The following CTDP1 variants were observed in gnomAD, a reference collection of about 807,000 sequenced individuals.
CTDP1 encodes the protein CTD phosphatase 1.
A neutral mutation model predicts 91.8 loss-of-function variants in CTDP1; 47 were observed. That is an observed-to-expected ratio of 0.51 (90% CI 0.41 to 0.65). The LOEUF (loss-of-function observed/expected upper bound fraction) is 0.65, where lower values mean the gene tolerates loss of function less well. CTDP1 is among the 30% of genes least tolerant of loss of function. CTDP1 has a pLI of 0.00. For synonymous variants in CTDP1, 656 were observed against 598.5 expected (o/e 1.10, Z -1.40); for missense variants, 1,272 against 1,373.7 (o/e 0.93, Z 1.17).
intron 10 of CTDP1, 38 bp from the exon 11 acceptor site, chr18:79,728,869 T>G (rs1259974551): frequency 3.1e-6 from 5 of 1,612,042 alleles, no homozygotes; most frequent in Non-Finnish European, 4.2e-6. Flanking sequence ...CCATTCGAAC[T>G]GACCTTCCTC....
chr18:79,730,808 G>A (rs2086550976), intron 11 of CTDP1, among the ~76,000 whole-genome samples: 1 of 152,236 alleles, frequency 6.6e-6, no homozygotes, highest in Non-Finnish European at 1.5e-5. Context: ...TGTGAGGAAG[G>A]GATTCTCCCA....
downstream of CTDP1, chr18:79,756,516 T>C (rs2087095195): frequency 6.6e-6 from 1 of 152,226 alleles, no homozygotes; most frequent in Non-Finnish European, 1.5e-5. Flanking sequence ...GTGATTAACG[T>C]TTATGAAATG....
At chr18:79,701,764 A>G (rs2085864876) in intron 4 of CTDP1, among the ~76,000 whole-genome samples, 1 of 152,094 alleles carries the variant, frequency 6.6e-6, no homozygotes, top group African/African-American at 2.4e-5. Context: ...GTCGATTCCA[A>G]CCCTCAGTTC....
At chr18:79,701,939 G>A (rs2085868121) in intron 4 of CTDP1, among the ~76,000 whole-genome samples, 1 of 152,234 alleles carries the variant, frequency 6.6e-6, no homozygotes, top group African/African-American at 2.4e-5. Flanking sequence ...ATGAGGAGTT[G>A]CTTCTTACGG....
At chr18:79,705,679 G>A (rs1031248047) in intron 5 of CTDP1, among the ~76,000 whole-genome samples, 2 of 152,256 alleles carry the variant, frequency 1.3e-5, no homozygotes, top group African/African-American at 4.8e-5. Flanking sequence ...GCGCCGAGTG[G>A]CAGTGTAGGC....
rs1357076999 is a variant in CTDP1, at chr18:79,717,970, G to C, written c.2371G>C (p.Ala791Pro). 2 of 1,613,338 alleles carry C rather than the reference G, an allele frequency of 1.2e-6. No homozygotes were observed. Among genetic ancestry groups the C allele is most frequent in the Non-Finnish European group, 1.7e-6 (2 of 1,179,974 alleles). The stretch of plus-strand genomic sequence containing the variant: ...CAGGACGGGCGCCCGGGGGCCCCCA[G>C]CACCCTCCAGCTCCCTACCCATCCG... ...LIRTGARGPP[A>P]PSSSLPIRQE... is the part of the protein sequence containing the mutation. Residue 791 changes from alanine (A) to proline (P), a missense_variant, in exon 10 of 13, where the codon GCA becomes CCA. Around this residue, in one of 3 missense-constraint regions of CTDP1, gnomAD observed 881 missense variants for 911.6 expected, o/e 0.97. Transcript: ENST00000613122.
intron 12 of CTDP1, among the ~76,000 whole-genome samples, chr18:79,739,088 G>A (rs974252758): frequency 2.0e-5 from 3 of 152,216 alleles, no homozygotes; most frequent in East Asian, 1.9e-4. Flanking sequence ...CCTCTAGCCC[G>A]GGGCTGAGCT....
intron 12 of CTDP1, among the ~76,000 whole-genome samples, chr18:79,741,486 G>A (rs1461017829): frequency 2.6e-5 from 4 of 152,224 alleles, no homozygotes; most frequent in Non-Finnish European, 2.9e-5. Context: ...TGAGCTGGTC[G>A]TTCCCATGAT....
At chr18:79,749,240 T>C (rs2086943229) in intron 12 of CTDP1, among the ~76,000 whole-genome samples, 1 of 152,144 alleles carries the variant, frequency 6.6e-6, no homozygotes, top group African/African-American at 2.4e-5. Context: ...TTCTTGCACC[T>C]CTCGCCCTCC....
intron 1 of CTDP1, among the ~76,000 whole-genome samples, chr18:79,692,557 G>A (rs1241605896): frequency 1.3e-5 from 2 of 152,218 alleles, no homozygotes; most frequent in Non-Finnish European, 2.9e-5. Context: ...AACATGTTTA[G>A]GAGAGATTGG....
At chr18:79,704,647 C>T in intron 4 of CTDP1, 120 bp from the exon 5 acceptor site, 1 of 1,380,660 alleles carries the variant, frequency 7.2e-7, no homozygotes, top group Non-Finnish European at 1.0e-6. Flanking sequence ...CGCGTGTCTT[C>T]AGAACGCTTG....
At chr18:79,728,693 G>A (rs1466731371) in intron 10 of CTDP1, among the ~76,000 whole-genome samples, 1 of 152,244 alleles carries the variant, frequency 6.6e-6, no homozygotes, top group Non-Finnish European at 1.5e-5. Flanking sequence ...AGGATAGTCA[G>A]AAACGTGTTT....
intron 5 of CTDP1, among the ~76,000 whole-genome samples, chr18:79,707,174 G>A (rs1369100844): frequency 6.6e-6 from 1 of 152,192 alleles, no homozygotes; most frequent in Non-Finnish European, 1.5e-5. Flanking sequence ...AAAAGCAGAG[G>A]GTCCCAGGTT....
chr18:79,743,254 G>A (rs559529639), intron 12 of CTDP1, among the ~76,000 whole-genome samples: 10 of 152,126 alleles, frequency 6.6e-5, no homozygotes, highest in Middle Eastern at 6.8e-3. Flanking sequence ...GGCCGAGCAC[G>A]GTGGCTCATG....
chr18:79,683,972 T>C (rs996280811), intron 1 of CTDP1, among the ~76,000 whole-genome samples: 1 of 152,260 alleles, frequency 6.6e-6, no homozygotes, highest in Admixed American at 6.5e-5. Flanking sequence ...ACAGGGCTTA[T>C]AAAAATACTT....
intron 4 of CTDP1, among the ~76,000 whole-genome samples, 187 bp from the exon 5 acceptor site, chr18:79,704,580 G>T (rs895477920): frequency 7.3e-5 from 11 of 151,318 alleles, no homozygotes; most frequent in Non-Finnish European, 1.6e-4. Flanking sequence ...GCACATGTGT[G>T]TCTTCAGGAC....
intron 1 of CTDP1, among the ~76,000 whole-genome samples, chr18:79,692,270 A>G (rs2085641367): frequency 6.6e-6 from 1 of 152,036 alleles, no homozygotes; most frequent in African/African-American, 2.4e-5. Flanking sequence ...ACTGGCTGGA[A>G]GGTGCCCCCC....
intron 5 of CTDP1, among the ~76,000 whole-genome samples, chr18:79,707,458 G>A (rs1035279982): frequency 3.2e-4 from 48 of 152,252 alleles, no homozygotes; most frequent in African/African-American, 1.1e-3. Flanking sequence ...AGCCTCGAGC[G>A]CGGGTCCTCC....
At chr18:79,749,050 TG>T (rs1437532785) in intron 12 of CTDP1, among the ~76,000 whole-genome samples, 1 of 152,246 alleles carries the variant, frequency 6.6e-6, no homozygotes, top group Non-Finnish European at 1.5e-5. Flanking sequence ...AGGTGTGTCC[TG>T]CTGTCAACAG....
Sources: gnomAD v4.1 joint callset for allele counts (sites outside exome capture counted in the v4.1 genomes callset) on GRCh38, gnomAD v4.1.1 for gene constraint, gnomAD v4.1.1 regional missense constraint, MANE v1.5 for transcripts, NCBI Gene and HGNC (gene_info 2026-07-23, HGNC 2026-07-21) for gene names.